C8orf74: variants seen among roughly 807,000 people sequenced by gnomAD.
The protein encoded by C8orf74 is chromosome 8 open reading frame 74.
A neutral mutation model predicts 22.2 loss-of-function variants in C8orf74; 29 were observed. The ratio of observed to expected loss-of-function variants is 1.31; its 90% CI spans 0.97 to 1.78. The LOEUF (loss-of-function observed/expected upper bound fraction) is 1.78, where lower values mean the gene tolerates loss of function less well. Among genes scored for constraint, C8orf74 ranks in the 40% most tolerant of loss-of-function variants. The pLI is 0.00. For missense variants in C8orf74, 515 were observed against 369.9 expected (o/e 1.39, Z -3.22); for synonymous variants, 255 against 163.1 (o/e 1.56, Z -4.30).
chr8:10,675,956 G>A (rs745847257), intron 2 of C8orf74: 1 of 152,254 alleles, frequency 6.6e-6, no homozygotes, highest in Admixed American at 6.5e-5. Flanking sequence ...GGAAACCAGA[G>A]TGTGGTCTGG....
intron 2 of C8orf74, among the ~76,000 whole-genome samples, chr8:10,690,533 A>G (rs769265472): frequency 1.2e-4 from 19 of 152,156 alleles, no homozygotes; most frequent in Non-Finnish European, 2.1e-4. Flanking sequence ...AAAGGTGAGC[A>G]GTGCCACGCT....
At chr8:10,698,582 G>C (rs951206015) in intron 3 of C8orf74, among the ~76,000 whole-genome samples, 28 of 152,088 alleles carry the variant, frequency 1.8e-4, no homozygotes, top group Non-Finnish European at 3.1e-4. Flanking sequence ...TGGGGCTCTA[G>C]CTGCCAGCAT....
chr8:10,693,726 C>A (rs1799432041), intron 2 of C8orf74, among the ~76,000 whole-genome samples: 1 of 152,206 alleles, frequency 6.6e-6, no homozygotes, highest in Non-Finnish European at 1.5e-5. Context: ...CACTGTCCCT[C>A]AAACATCCTC....
At chr8:10,698,634 T>G (rs1471953596) in intron 3 of C8orf74, among the ~76,000 whole-genome samples, 1 of 152,124 alleles carries the variant, frequency 6.6e-6, no homozygotes, top group Non-Finnish European at 1.5e-5. Flanking sequence ...GACCCCAGCC[T>G]CAGGGTAGCT....
At chr8:10,677,631 CCTAA>C (rs534707742) in intron 2 of C8orf74, among the ~76,000 whole-genome samples, 184 of 152,252 alleles carry the variant, frequency 1.2e-3, no homozygotes, top group African/African-American at 4.0e-3. Flanking sequence ...CCCACCACCT[CCTAA>C]CTAACCTCTG....
At chr8:10,684,468 C>G (rs779979993) in intron 2 of C8orf74, among the ~76,000 whole-genome samples, 1 of 152,188 alleles carries the variant, frequency 6.6e-6, no homozygotes, top group Non-Finnish European at 1.5e-5. Flanking sequence ...AGCTTGCCCT[C>G]TGAGCCCTAG....
intron 2 of C8orf74, among the ~76,000 whole-genome samples, chr8:10,677,272 C>G (rs916950927): frequency 2.6e-5 from 4 of 152,172 alleles, no homozygotes; most frequent in South Asian, 2.1e-4. Context: ...CCAAATCTGT[C>G]TTCCAGATTC....
intron 2 of C8orf74, 73 bp from the exon 3 acceptor site, chr8:10,697,526 A>C: frequency 7.4e-7 from 1 of 1,354,964 alleles, no homozygotes; most frequent in South Asian, 1.3e-5. Flanking sequence ...GTCGGGGTGC[A>C]GAGCCCACAT....
rs371469734 is a variant in C8orf74, at chr8:10,700,321, C to T, written c.735C>T (p.Phe245=). 154 of 1,613,750 alleles carry T rather than the reference C, an allele frequency of 9.5e-5. 4 individuals are homozygous for T. Among genetic ancestry groups the T allele is most frequent in the South Asian group, 7.5e-4 (68 of 91,070 alleles). Residue 245 remains phenylalanine, a synonymous_variant, in exon 4 of 4, where the codon TTC becomes TTT. Transcript: ENST00000304519. ...ELLQRQIQNT[F]AILDLKLQKK... Reference sequence around the variant, plus strand: ...TGCAGCGCCAGATCCAGAACACATTCGCCATCTTGGACCTGAAGCTTCAGA... The same window carrying T: ...TGCAGCGCCAGATCCAGAACACATTTGCCATCTTGGACCTGAAGCTTCAGA...
chr8:10,695,174 G>A (rs987025507), intron 2 of C8orf74, among the ~76,000 whole-genome samples: 5 of 152,198 alleles, frequency 3.3e-5, no homozygotes, highest in African/African-American at 1.2e-4. Flanking sequence ...TTGCTGGCTT[G>A]TATTAGGCTC....
intron 2 of C8orf74, chr8:10,689,651 C>T (rs1799332849): frequency 6.6e-6 from 1 of 152,144 alleles, no homozygotes; most frequent in Non-Finnish European, 1.5e-5. Flanking sequence ...CATAGCCTAC[C>T]GTTGACCAGA....
chr8:10,693,005 G>C (rs59929786), intron 2 of C8orf74: 3,502 of 152,408 alleles, frequency 0.023, 126 homozygotes, highest in African/African-American at 0.079. Flanking sequence ...GACTCCATCG[G>C]GGGTAGGGAG....
intron 1 of C8orf74, among the ~76,000 whole-genome samples, chr8:10,673,227 C>T (rs1053310640): frequency 9.2e-5 from 14 of 152,064 alleles, no homozygotes; most frequent in Admixed American, 6.6e-4. Flanking sequence ...AACACTCTTG[C>T]GTGTGGTGGG....
chr8:10,677,333 C>T (rs1320826134), intron 2 of C8orf74, among the ~76,000 whole-genome samples: 1 of 152,182 alleles, frequency 6.6e-6, no homozygotes, highest in East Asian at 1.9e-4. Context: ...TATAATGCGA[C>T]TAAGTACATC....
intron 2 of C8orf74, among the ~76,000 whole-genome samples, chr8:10,679,142 G>A (rs770264342): frequency 1.5e-4 from 23 of 152,080 alleles, no homozygotes; most frequent in African/African-American, 3.9e-4. Flanking sequence ...CAGGTCACTC[G>A]TCTGTAAATG....
chr8:10,691,452 A>T (rs546489191), intron 2 of C8orf74: 36 of 159,836 alleles, frequency 2.3e-4, no homozygotes, highest in Middle Eastern at 3.2e-3. Context: ...TGCAGGATGC[A>T]GGTGACCCCA....
intron 1 of C8orf74, among the ~76,000 whole-genome samples, chr8:10,674,310 C>T (rs1798981503): frequency 9.7e-6 from 1 of 103,472 alleles, no homozygotes; most frequent in African/African-American, 3.7e-5. Context: ...CACCCTGTAG[C>T]CCCCATATCA....
intron 2 of C8orf74, among the ~76,000 whole-genome samples, chr8:10,679,735 G>A (rs1390230306): frequency 6.6e-6 from 1 of 152,126 alleles, no homozygotes; most frequent in Non-Finnish European, 1.5e-5. Flanking sequence ...TCCTCTCTGG[G>A]CCCTGCAGGC....
chr8:10,679,570 G>T (rs1319301596), intron 2 of C8orf74, among the ~76,000 whole-genome samples: 6 of 152,148 alleles, frequency 3.9e-5, no homozygotes, highest in African/African-American at 1.4e-4. Flanking sequence ...CCAGCCCTGG[G>T]TAAACTCCCC....
Sources: gnomAD v4.1 joint callset for allele counts (sites outside exome capture counted in the v4.1 genomes callset) on GRCh38, gnomAD v4.1.1 for gene constraint, MANE v1.5 for transcripts, NCBI Gene and HGNC (gene_info 2026-07-23, HGNC 2026-07-21) for gene names.